The following NBPF3 variants were observed in gnomAD, a reference collection of about 807,000 sequenced individuals.
The protein encoded by NBPF3 is NBPF member 3.
A neutral mutation model predicts 78.1 loss-of-function variants in NBPF3; 57 were observed. That is an observed-to-expected ratio of 0.73 (90% confidence interval 0.59 to 0.91). NBPF3 has a LOEUF of 0.91. Among genes scored for constraint, NBPF3 ranks in the 40% least tolerant of loss-of-function variants. The probability of loss-of-function intolerance (pLI) is 0.00; values close to 1 mark genes in which losing one functional copy is unlikely to be tolerated. For missense variants in NBPF3, 510 were observed against 715.3 expected (o/e 0.71, Z 3.27); for synonymous variants, 182 against 271.7 (o/e 0.67, Z 3.25).
At chr1:21,456,122 G>C (rs1207273966) in intron 2 of NBPF3, among the ~76,000 whole-genome samples, 1 of 152,208 alleles carries the variant, frequency 6.6e-6, no homozygotes, top group South Asian at 2.1e-4. Flanking sequence ...GGGAAATTCT[G>C]TGGGCTTTCC....
rs766796014 is a variant in NBPF3, at chr1:21,479,820, C to CTCTCTGTGTG, written c.1209-230_1209-229insCTCTGTGTGT. 9.0e-4 allele frequency among the ~76,000 whole-genome samples: 93 copies of CTCTCTGTGTG among 102,880 alleles called. 3 individuals are homozygous for CTCTCTGTGTG. The highest frequency in any genetic ancestry group is 3.1e-3 in the African/African-American group (91 of 29,780). The allele number at this position is 102,880 out of a possible 152,430, so 67.5% of individuals were successfully genotyped here. Reference sequence around the variant, plus strand: ...TCTCTCTCTCTCTCTCTCTCTCTCTCTGTGTGTGTGTGTGTGTGTGTGTGT... The same window carrying CTCTCTGTGTG: ...TCTCTCTCTCTCTCTCTCTCTCTCTCTCTCTGTGTGTGTGTGTGTGTGTGTGTGTGTGTGT... On this transcript the variant is annotated intron_variant, in intron 10 of 14. Transcript: ENST00000318249.
intron 3 of NBPF3, among the ~76,000 whole-genome samples, 163 bp from the exon 4 acceptor site, chr1:21,470,469 G>C (rs1570055215): frequency 6.6e-6 from 1 of 152,248 alleles, no homozygotes; most frequent in Admixed American, 6.5e-5. Flanking sequence ...TCAGCTGCCA[G>C]TAAGTCGGGA....
At chr1:21,439,489 CAA>C (rs11343168), upstream of NBPF3, among the ~76,000 whole-genome samples, 9 of 147,840 alleles carry the variant, frequency 6.1e-5, no homozygotes, top group Admixed American at 1.3e-4. Context: ...GACTCTATCT[CAA>C]AAAAAAAAAT....
At chr1:21,446,102 A>G (rs1487907357) in intron 2 of NBPF3, 2 of 152,396 alleles carry the variant, frequency 1.3e-5, no homozygotes, top group Non-Finnish European at 2.9e-5. Flanking sequence ...GGATGACATC[A>G]GACCCAGGGG....
In NBPF3 at chr1:21,476,393, T is replaced by C. The variant is rs928263876; in HGVS notation, c.992+1442T>C. The stretch of plus-strand genomic sequence containing the variant: ...TGATGGTCTTTACAATTTGGCACGT[T>C]TTTGCAGTGGCTGGCTGGTACTGGT... On this transcript the variant is annotated intron_variant, in intron 8 of 14. Coordinates refer to ENST00000318249, the MANE Select transcript of NBPF3 (RefSeq NM_032264.6). The surrounding 1 kb of genome is among the most constrained non-coding windows in gnomAD (Gnocchi z 4.1). 1.3e-5 allele frequency among the ~76,000 whole-genome samples: 2 copies of C among 152,208 alleles called. No individual in the cohort carries two copies. The highest frequency in any genetic ancestry group is 4.8e-5 in the African/African-American group (2 of 41,454).
At chr1:21,456,630 CATTTGGCAAAATTG>C (rs140595229) in intron 2 of NBPF3, among the ~76,000 whole-genome samples, 24,468 of 151,842 alleles carry the variant, frequency 0.16, 2,409 homozygotes, top group Non-Finnish European at 0.22. Flanking sequence ...ACAGTAAAAG[CATTTGGCAAAATTG>C]AAAAATTTTT....
At position 21,470,712 on chromosome 1, in the gene NBPF3, C is replaced by T. The variant is rs1377505122; in HGVS notation, c.424C>T (p.Leu142Phe). 6.3e-7 allele frequency: 1 copy of T among 1,598,902 alleles called. No homozygotes were observed. Among genetic ancestry groups the T allele is most frequent in the South Asian group, 1.1e-5 (1 of 90,892 alleles). The change falls in exon 4 of 15, where the codon CTC (leucine) becomes TTC (phenylalanine). Residue 142 changes from leucine to phenylalanine, a missense_variant. This residue lies in a region of NBPF3 where 440 missense variants were observed against 478.2 expected (regional missense o/e 0.92). Transcript: ENST00000318249. ...CACAGAAGAGAAGCTTGCAGAGGAGCTCGGGCAAGCTGAGGAGCTCAGGTG... is the reference window on the plus strand; with the variant it reads ...CACAGAAGAGAAGCTTGCAGAGGAGTTCGGGCAAGCTGAGGAGCTCAGGTG... ...LLTEEKLAEELGQAEELRQYK... is the reference protein window; with the variant it reads ...LLTEEKLAEEFGQAEELRQYK...
chr1:21,464,694 T>TA (rs76554786), intron 2 of NBPF3, among the ~76,000 whole-genome samples: 122 of 147,766 alleles, frequency 8.3e-4, no homozygotes, highest in East Asian at 4.5e-3. Context: ...GTATTTTCAT[T>TA]AAAAAAAAAA....
chr1:21,474,831 G>A, intron 7 of NBPF3, 69 bp from the exon 8 acceptor site: 7 of 1,377,204 alleles, frequency 5.1e-6, no homozygotes, highest in Non-Finnish European at 7.2e-6. Flanking sequence ...CCTATGACTG[G>A]ACACTGATTT....
upstream of NBPF3, among the ~76,000 whole-genome samples, chr1:21,439,410 AC>A (rs1243500993): frequency 6.6e-6 from 1 of 152,050 alleles, no homozygotes; most frequent in Non-Finnish European, 1.5e-5. Context: ...AATAGCTTGA[AC>A]TTGGGAGGTG....
At position 21,477,996 on chromosome 1, in the gene NBPF3, A is replaced by G. The variant is rs1324958540; in HGVS notation, c.993-148A>G. 3.2e-6 allele frequency: 5 copies of G among 1,556,074 alleles called. No individual in the cohort carries two copies. In the East Asian group the frequency reaches 9.0e-5, roughly 28 times the overall value. On this transcript the variant is annotated intron_variant, in intron 8 of 14. Coordinates refer to ENST00000318249, the MANE Select transcript of NBPF3 (RefSeq NM_032264.6). ...CAGTCACCCTCCAGCCTGCATTTAG[A>G]AGGATAGTTTTATTTCTCTTGAAGG... is the stretch of plus-strand genomic sequence containing the variant.
chr1:21,466,119 A>T, intron 2 of NBPF3: 1 of 985,512 alleles, frequency 1.0e-6, no homozygotes, highest in African/African-American at 1.7e-5. Flanking sequence ...TCACTGATGG[A>T]ATCGGACAGT....
intron 2 of NBPF3, among the ~76,000 whole-genome samples, chr1:21,464,463 T>G (rs1642141222): frequency 6.6e-6 from 1 of 151,510 alleles, no homozygotes; most frequent in Admixed American, 6.6e-5. Context: ...AGGGGGGGAA[T>G]TGGAGAGTGT....
At chr1:21,469,363 G>A (rs1459634751) in intron 3 of NBPF3, among the ~76,000 whole-genome samples, 1 of 152,134 alleles carries the variant, frequency 6.6e-6, no homozygotes, top group Admixed American at 6.5e-5. Flanking sequence ...CACAGTACCC[G>A]CTCTGAGGGG....
Position 21,455,110 on chromosome 1 carries a change from G to T in NBPF3, c.133+9891G>T, listed in dbSNP as rs529433061. Among the ~76,000 whole-genome samples, 138 of 152,320 alleles carry T rather than the reference G, an allele frequency of 9.1e-4. 2 individuals carry two copies. The highest frequency in any genetic ancestry group is 6.8e-3 in the Middle Eastern group (2 of 294). ...TCCCACTGCATGCTTCCTCCAGCCA[G>T]CAGAGGAGGATCGCCCTGCATGGAA... On this transcript the variant is annotated intron_variant, in intron 2 of 14. Coordinates refer to ENST00000318249, the MANE Select transcript of NBPF3 (RefSeq NM_032264.6).
chr1:21,451,632 T>C (rs1376494169), intron 2 of NBPF3: 3 of 154,544 alleles, frequency 1.9e-5, no homozygotes, highest in Admixed American at 6.5e-5. Context: ...GTGACCAGCA[T>C]GAGCTTCTGT....
intron 2 of NBPF3, chr1:21,446,453 C>CCTTCCTTCCTTCCTTG (rs1640977572): frequency 1.2e-5 from 1 of 80,992 alleles, no homozygotes; most frequent in Non-Finnish European, 2.7e-5. Flanking sequence ...TCATTTCCTT[C>CCTTCCTTCCTTCCTTG]CTTCCTTCCT....
chr1:21,448,684 C>T (rs182091775), intron 2 of NBPF3, among the ~76,000 whole-genome samples: 30 of 152,274 alleles, frequency 2.0e-4, no homozygotes, highest in Admixed American at 7.2e-4. Context: ...GTTTTTAATG[C>T]TCTAGCCAGG....
At chr1:21,467,218 G>A in intron 2 of NBPF3, 1 of 985,454 alleles carries the variant, frequency 1.0e-6, no homozygotes, top group Non-Finnish European at 1.2e-6. Context: ...AGAGAGACAT[G>A]CTTTGAAATG....
Sources: gnomAD v4.1 joint callset for allele counts (sites outside exome capture counted in the v4.1 genomes callset) on GRCh38, gnomAD v4.1.1 for gene constraint, gnomAD v4.1.1 regional missense constraint, Gnocchi (gnomAD v3.1) non-coding constraint, MANE v1.5 for transcripts, NCBI Gene and HGNC (gene_info 2026-07-23, HGNC 2026-07-21) for gene names.